The following STAT4 variants were observed in gnomAD, a reference collection of about 807,000 sequenced individuals.
The protein encoded by STAT4 is signal transducer and activator of transcription 4.
STAT4 carries 42 observed loss-of-function variants against 110.5 expected under a neutral mutation model. The ratio of observed to expected loss-of-function variants is 0.38; its 90% CI spans 0.30 to 0.49. The LOEUF is 0.49. Among genes scored for constraint, STAT4 ranks in the 20% least tolerant of loss-of-function variants. The pLI, the probability that STAT4 is intolerant of heterozygous loss-of-function variation, is 0.95. For missense variants in STAT4, 632 were observed against 887.9 expected, an observed-to-expected ratio of 0.71 and a Z score of 3.66; for synonymous variants, 284 against 302.2, an observed-to-expected ratio of 0.94 and a Z score of 0.63.
In STAT4 at chr2:191,140,706, C is replaced by G. The variant is rs572007511; in HGVS notation, c.273+5907G>C. 2.6e-5 allele frequency among the ~76,000 whole-genome samples: 4 copies of G among 152,232 alleles called. No homozygotes were observed. Among genetic ancestry groups the G allele is most frequent in the African/African-American group, 7.2e-5 (3 of 41,530 alleles). On this transcript the variant is annotated intron_variant, in intron 3 of 23. Coordinates refer to ENST00000392320, the MANE Select transcript of STAT4 (RefSeq NM_003151.4). This position sits in a 1 kb window ranked among gnomAD's most constrained non-coding sequence, Gnocchi z 4.4. ...GGAGATTCCTCAAAGAAAAGCAGAA[C>G]TGCTATTTAATCCAGCAATCCCACT...
At chr2:191,093,375 T>C (rs1319637812) in intron 3 of STAT4, among the ~76,000 whole-genome samples, 1 of 145,158 alleles carries the variant, frequency 6.9e-6, no homozygotes, top group Admixed American at 6.7e-5. Flanking sequence ...CAATATTTGT[T>C]GTTCTGCAAT....
intron 3 of STAT4, among the ~76,000 whole-genome samples, chr2:191,103,308 G>T (rs183363527): frequency 4.6e-5 from 7 of 152,236 alleles, no homozygotes; most frequent in African/African-American, 1.7e-4. Context: ...AGTTTTACTT[G>T]CCTGATATTG....
At chr2:191,052,829 T>C (rs1406852420) in intron 14 of STAT4, among the ~76,000 whole-genome samples, 2 of 152,216 alleles carry the variant, frequency 1.3e-5, no homozygotes, top group Non-Finnish European at 2.9e-5. Flanking sequence ...AAAACCTTTA[T>C]GGGTTTCTAT....
In STAT4 at chr2:191,076,304, T is replaced by C. The variant is rs752105122; in HGVS notation, c.295A>G (p.Met99Val). The C allele has an allele frequency of 1.9e-6, 3 of 1,603,600 alleles. No homozygotes were observed. Among genetic ancestry groups the C allele is most frequent in the Non-Finnish European group, 2.5e-6 (3 of 1,176,692 alleles). The change falls in exon 4 of 24, where the codon ATG becomes GTG. Residue 99 changes from methionine to valine, a missense_variant. Transcript: ENST00000392320. ...VLQGKFHGNP[M>V]HVAVVISNCL... Reference sequence around the variant, plus strand: ...TTTGAAATAACCACAGCTACATGCATTGGATTTCCATGAAATTTTCCCTGA... The same window carrying C: ...TTTGAAATAACCACAGCTACATGCACTGGATTTCCATGAAATTTTCCCTGA...
At chr2:191,088,372 T>C (rs550259979) in intron 3 of STAT4, among the ~76,000 whole-genome samples, 1 of 152,108 alleles carries the variant, frequency 6.6e-6, no homozygotes, top group Non-Finnish European at 1.5e-5. Flanking sequence ...GTGGATAAGA[T>C]ATGTAAGGAA....
intron 3 of STAT4, among the ~76,000 whole-genome samples, chr2:191,094,934 A>AAG: frequency 1.3e-5 from 2 of 151,452 alleles, no homozygotes; most frequent in South Asian, 4.2e-4. Context: ...AAAAAAAAAA[A>AAG]AAAAGTAGGG....
chr2:191,055,725 C>T (rs1358321246), intron 13 of STAT4, among the ~76,000 whole-genome samples: 1 of 152,164 alleles, frequency 6.6e-6, no homozygotes, highest in Admixed American at 6.5e-5. Context: ...AATGTGAAAA[C>T]GCTTTGCAAG....
At position 191,035,816 on chromosome 2, in the gene STAT4, T is replaced by C. The variant is rs1013867478; in HGVS notation, c.1570+348A>G. ...GTTCACCTCATATTTAGTGGAAATA[T>C]ACCCTGGAGACTGGGGTGGGGAATA... On this transcript the variant is annotated intron_variant, in intron 17 of 23. Transcript: ENST00000392320. The surrounding 1 kb of genome is among the most constrained non-coding windows in gnomAD (Gnocchi z 4.7). Among the ~76,000 whole-genome samples, 5 of 152,212 alleles carry C rather than the reference T, an allele frequency of 3.3e-5. No individual in the cohort carries two copies. The highest frequency in any genetic ancestry group is 1.3e-4 in the Admixed American group (2 of 15,278).
At chr2:191,080,053 A>AT (rs926445060) in intron 3 of STAT4, among the ~76,000 whole-genome samples, 19 of 151,954 alleles carry the variant, frequency 1.3e-4, no homozygotes, top group African/African-American at 4.6e-4. Flanking sequence ...TACTCTGTGA[A>AT]TTTTTCTTCT....
chr2:191,080,969 C>A (rs1470621390), intron 3 of STAT4, among the ~76,000 whole-genome samples: 1 of 152,114 alleles, frequency 6.6e-6, no homozygotes, highest in Non-Finnish European at 1.5e-5. Flanking sequence ...TTAGGTATTT[C>A]TCCTAATGCT....
chr2:191,058,135 T>C lies in STAT4; in HGVS notation c.1113-24A>G. On this transcript the variant is annotated intron_variant, in intron 12 of 23. Transcript: ENST00000392320. The surrounding 1 kb of genome is among the most constrained non-coding windows in gnomAD (Gnocchi z 4.3). Reference sequence around the variant, plus strand: ...TGCTGGAGAGGAAATCTTAGCTATTTACATGGTCTCAGGTAAAATAAATTT... The same window carrying C: ...TGCTGGAGAGGAAATCTTAGCTATTCACATGGTCTCAGGTAAAATAAATTT... 1 of 1,613,582 alleles carries C rather than the reference T, an allele frequency of 6.2e-7. No homozygotes were observed. Among genetic ancestry groups the C allele is most frequent in the Non-Finnish European group, 8.5e-7 (1 of 1,179,574 alleles).
At position 191,140,543 on chromosome 2, in the gene STAT4, A is replaced by C. The variant is rs1490333826; in HGVS notation, c.273+6070T>G. ...TACAAATTAAAAACCACAATGAGAT[A>C]CCACCTTACTCCTGCGAGAATGGCC... On this transcript the variant is annotated intron_variant, in intron 3 of 23. Transcript: ENST00000392320. The surrounding 1 kb of genome is among the most constrained non-coding windows in gnomAD (Gnocchi z 4.4). 6.6e-6 allele frequency among the ~76,000 whole-genome samples: 1 copy of C among 152,230 alleles called. No individual in the cohort carries two copies. Among genetic ancestry groups the C allele is most frequent in the East Asian group, 1.9e-4 (1 of 5,198 alleles).
intron 3 of STAT4, among the ~76,000 whole-genome samples, chr2:191,128,568 G>A (rs866861194): frequency 8.5e-5 from 13 of 152,254 alleles, no homozygotes; most frequent in African/African-American, 2.9e-4. Flanking sequence ...AAACAAGAAG[G>A]AACTCACTTA....
At chr2:191,076,647 T>C (rs982756172) in intron 3 of STAT4, among the ~76,000 whole-genome samples, 3 of 147,384 alleles carry the variant, frequency 2.0e-5, no homozygotes, top group Non-Finnish European at 4.5e-5. Flanking sequence ...GCAGGTTTTT[T>C]CTTTTTTTTT....
intron 14 of STAT4, among the ~76,000 whole-genome samples, chr2:191,045,017 G>A (rs1031494915): frequency 6.6e-6 from 1 of 152,022 alleles, no homozygotes. Flanking sequence ...TTGAGTAAAC[G>A]AAAATATGTT....
chr2:191,106,733 A>G (rs1204916111), intron 3 of STAT4, among the ~76,000 whole-genome samples: 2 of 152,154 alleles, frequency 1.3e-5, no homozygotes, highest in African/African-American at 4.8e-5. Context: ...CTCTCTGGGG[A>G]AAAATGTGCA....
At chr2:191,080,260 T>A (rs1456155754) in intron 3 of STAT4, among the ~76,000 whole-genome samples, 1 of 152,120 alleles carries the variant, frequency 6.6e-6, no homozygotes, top group Non-Finnish European at 1.5e-5. Context: ...TCAACATAGA[T>A]ATATATATTT....
chr2:191,100,326 T>A (rs923242777), intron 3 of STAT4, among the ~76,000 whole-genome samples: 1 of 152,114 alleles, frequency 6.6e-6, no homozygotes, highest in East Asian at 1.9e-4. Context: ...TAATAGCTCA[T>A]AAACAATAGG....
At chr2:191,054,582 T>C (rs1232996156) in intron 13 of STAT4, 48 bp from the exon 14 acceptor site, 1 of 1,564,884 alleles carries the variant, frequency 6.4e-7, no homozygotes, top group Non-Finnish European at 8.8e-7. Context: ...CATTATCAGC[T>C]ACATATTAAG....
Sources: allele counts gnomAD v4.1 joint callset (sites outside exome capture counted in the v4.1 genomes callset), GRCh38; gene constraint gnomAD v4.1.1; non-coding constraint Gnocchi (gnomAD v3.1); transcripts MANE v1.5; gene names NCBI Gene and HGNC (gene_info 2026-07-23, HGNC 2026-07-21).